DIAPH2: variants seen among roughly 807,000 people sequenced by gnomAD.
DIAPH2 encodes protein diaphanous homolog 2.
A neutral mutation model predicts 92.7 loss-of-function variants in DIAPH2; 35 were observed. The ratio of observed to expected loss-of-function variants is 0.38; its 90% CI spans 0.29 to 0.50. The LOEUF (loss-of-function observed/expected upper bound fraction) is 0.50. Among genes scored for constraint, DIAPH2 ranks in the 20% least tolerant of loss-of-function variants. DIAPH2 has a pLI of 0.94. For synonymous variants in DIAPH2, 301 were observed against 280.4 expected (o/e 1.07, Z -0.73); for missense variants, 701 against 819.5 (o/e 0.86, Z 1.77).
chrX:97,304,495 C>T (rs2068730716), intron 23 of DIAPH2, among the ~76,000 whole-genome samples: 1 of 112,252 alleles, frequency 8.9e-6, no homozygotes, highest in Non-Finnish European at 1.9e-5. Context: ...AACAGAACAA[C>T]ACTGAAAAAG....
chrX:97,113,075 C>T (rs1015485274), intron 20 of DIAPH2, among the ~76,000 whole-genome samples: 11 of 110,675 alleles, frequency 9.9e-5, no homozygotes, highest in Non-Finnish European at 7.6e-5. Context: ...CCACCGCGCC[C>T]GGCCACTTTT....
intron 5 of DIAPH2, among the ~76,000 whole-genome samples, chrX:96,883,382 T>C (rs1266607005): frequency 9.2e-6 from 1 of 109,187 alleles, no homozygotes; most frequent in East Asian, 2.8e-4. Context: ...GTTTTTTGTT[T>C]TTTGTTTTTT....
intron 1 of DIAPH2, among the ~76,000 whole-genome samples, chrX:96,700,076 A>G (rs1276550314): frequency 8.9e-6 from 1 of 111,820 alleles, no homozygotes; most frequent in Non-Finnish European, 1.9e-5. Context: ...TGGCGCAATC[A>G]TGGCTCACTG....
chrX:96,779,431 A>G (rs1276314495), intron 4 of DIAPH2, among the ~76,000 whole-genome samples: 1 of 112,295 alleles, frequency 8.9e-6, no homozygotes, highest in Non-Finnish European at 1.9e-5. Flanking sequence ...TCCCCCTAGA[A>G]GAAAACATTA....
chrX:96,708,795 G>A (rs1467583601), intron 1 of DIAPH2, among the ~76,000 whole-genome samples: 2 of 112,386 alleles, frequency 1.8e-5, no homozygotes, highest in Non-Finnish European at 3.8e-5. Flanking sequence ...CATATAAGCA[G>A]TCTTGCTTTG....
At chrX:96,823,797 T>C (rs1439455742) in intron 4 of DIAPH2, among the ~76,000 whole-genome samples, 2 of 110,521 alleles carry the variant, frequency 1.8e-5, no homozygotes, top group African/African-American at 6.6e-5. Flanking sequence ...ATTATGTTTA[T>C]AAAAGATGGA....
At chrX:96,828,249 G>A (rs755086900) in intron 4 of DIAPH2, among the ~76,000 whole-genome samples, 48 of 111,620 alleles carry the variant, frequency 4.3e-4, no homozygotes, top group Admixed American at 1.0e-3. Flanking sequence ...GGATGAGAAT[G>A]GGCCTGTATT....
intron 23 of DIAPH2, among the ~76,000 whole-genome samples, chrX:97,278,201 TTTTACA>T (rs1233958172): frequency 6.2e-5 from 7 of 112,079 alleles, no homozygotes; most frequent in Non-Finnish European, 1.9e-5. Flanking sequence ...TTTAGAGAAG[TTTTACA>T]TTTACAGAAA....
intron 26 of DIAPH2, among the ~76,000 whole-genome samples, chrX:97,465,551 A>G (rs962337976): frequency 1.8e-5 from 2 of 111,723 alleles, no homozygotes; most frequent in Admixed American, 1.9e-4. Flanking sequence ...GGTGATATGC[A>G]AATACTATGC....
At chrX:96,931,434 A>G (rs963335613) in intron 10 of DIAPH2, among the ~76,000 whole-genome samples, 7 of 111,784 alleles carry the variant, frequency 6.3e-5, no homozygotes, top group Non-Finnish European at 1.3e-4. Context: ...TATAAATACA[A>G]ATACAACTAC....
intron 26 of DIAPH2, among the ~76,000 whole-genome samples, chrX:97,444,448 ATTT>A (rs1010467015): frequency 9.0e-6 from 1 of 111,697 alleles, no homozygotes; most frequent in African/African-American, 3.2e-5. Context: ...CATGGATTTC[ATTT>A]TTATTTCAGT....
intron 23 of DIAPH2, among the ~76,000 whole-genome samples, chrX:97,284,566 C>T (rs1467593842): frequency 5.7e-5 from 6 of 106,116 alleles, no homozygotes; most frequent in Non-Finnish European, 1.2e-4. Flanking sequence ...GCCGAGATCG[C>T]GCCATTGTAC....
intron 19 of DIAPH2, among the ~76,000 whole-genome samples, chrX:97,097,844 G>GA (rs200784928): frequency 0.045 from 5,054 of 111,265 alleles, 293 homozygotes; most frequent in African/African-American, 0.16. Context: ...AAAAATATTT[G>GA]AAAAAATGGA....
At chrX:97,255,819 A>G (rs1409029643) in intron 23 of DIAPH2, among the ~76,000 whole-genome samples, 2 of 112,241 alleles carry the variant, frequency 1.8e-5, no homozygotes, top group East Asian at 5.6e-4. Flanking sequence ...CATATTTTTA[A>G]GGGTCCGTTA....
chrX:96,957,704 TAAA>T lies in DIAPH2; in HGVS notation c.1615-120_1615-118del, dbSNP rs1163550832. 3 of 552,402 alleles carry T rather than the reference TAAA, an allele frequency of 5.4e-6. No individual in the cohort carries two copies. The East Asian group carries it at 1.1e-4, about 21-fold the overall frequency. The allele number at this position is 552,402 out of a possible 1,213,427, so 45.5% of individuals were successfully genotyped here. ...AATATTTAGATATTTTAGTAATATCTAAAAAAGTATATATGATCTTAAAACATA... is the reference window on the plus strand; with the variant it reads ...AATATTTAGATATTTTAGTAATATCTAAAGTATATATGATCTTAAAACATA... On this transcript the variant is annotated intron_variant, in intron 15 of 26. Transcript: ENST00000324765.
In DIAPH2 at chrX:96,930,960, T is replaced by C. The variant is rs2065615296; in HGVS notation, c.1089+117T>C. 6.2e-6 allele frequency: 5 copies of C among 805,552 alleles called. No individual in the cohort carries two copies. In the Admixed American group the frequency reaches 2.1e-4, roughly 35 times the overall value. 66.4% of individuals were successfully genotyped at this position (805,552 alleles called of 1,213,427 possible). A position where few individuals can be genotyped will look rare whatever the true frequency, so the allele number is the denominator to read the frequency against. On this transcript the variant is annotated intron_variant, in intron 10 of 26. Coordinates refer to ENST00000324765, the MANE Select transcript of DIAPH2 (RefSeq NM_006729.5). ...TTTGCTATTTTGTTTTGTAAAGCATTAGACATTTTGTAAGCTTTTTTGTAT... is the reference window on the plus strand; with the variant it reads ...TTTGCTATTTTGTTTTGTAAAGCATCAGACATTTTGTAAGCTTTTTTGTAT...
intron 23 of DIAPH2, among the ~76,000 whole-genome samples, chrX:97,320,534 G>A (rs1449696060): frequency 9.1e-6 from 1 of 110,270 alleles, no homozygotes; most frequent in African/African-American, 3.3e-5. Flanking sequence ...GCCAATTGTG[G>A]TGAAACCCTG....
intron 1 of DIAPH2, among the ~76,000 whole-genome samples, chrX:96,688,953 GAAA>G: frequency 1.0e-5 from 1 of 99,898 alleles, no homozygotes; most frequent in African/African-American, 3.6e-5. Context: ...TCTCTTTAAG[GAAA>G]AAAAAAAAAG....
chrX:97,320,109 AT>A (rs1289796531), intron 23 of DIAPH2, among the ~76,000 whole-genome samples: 11 of 99,547 alleles, frequency 1.1e-4, no homozygotes, highest in East Asian at 2.9e-4. Context: ...CAAAAAAAAA[AT>A]ATATATATAT....
Sources: allele counts gnomAD v4.1 joint callset (sites outside exome capture counted in the v4.1 genomes callset), GRCh38; gene constraint gnomAD v4.1.1; transcripts MANE v1.5; gene names NCBI Gene and HGNC (gene_info 2026-07-23, HGNC 2026-07-21).